The following C3orf70 variants were observed in gnomAD, a reference collection of about 807,000 sequenced individuals.
C3orf70 encodes the protein UPF0524 protein C3orf70.
Under a neutral mutation model 20.7 loss-of-function variants are expected in C3orf70, and 15 were observed. The observed-to-expected ratio is 0.72, with a 90% CI of 0.48 to 1.11. C3orf70 has a LOEUF of 1.11. Among genes scored for constraint, C3orf70 ranks in the 50% most tolerant of loss-of-function variants. C3orf70 has a pLI of 0.00. For synonymous variants in C3orf70, 161 were observed against 125.7 expected (o/e 1.28, Z -1.88); for missense variants, 332 against 317.6 (o/e 1.05, Z -0.34).
At chr3:185,122,449 C>T (rs959663742) in intron 1 of C3orf70, among the ~76,000 whole-genome samples, 8 of 152,094 alleles carry the variant, frequency 5.3e-5, no homozygotes, top group African/African-American at 1.9e-4. Context: ...TCCCTAAAGT[C>T]GAAAGCCCCG....
At chr3:185,093,918 A>C (rs953362777) in intron 1 of C3orf70, among the ~76,000 whole-genome samples, 4 of 151,980 alleles carry the variant, frequency 2.6e-5, no homozygotes, top group African/African-American at 7.3e-5. Context: ...GGACCACCCC[A>C]CCCCAACAGA....
chr3:185,099,257 T>C (rs1715775268), intron 1 of C3orf70, among the ~76,000 whole-genome samples: 1 of 151,958 alleles, frequency 6.6e-6, no homozygotes, highest in African/African-American at 2.4e-5. Context: ...AAGAGGATCA[T>C]CCCCAACACA....
At chr3:185,136,399 C>A (rs1716622074) in intron 1 of C3orf70, among the ~76,000 whole-genome samples, 1 of 151,742 alleles carries the variant, frequency 6.6e-6, no homozygotes, top group African/African-American at 2.4e-5. Context: ...ACCAGCCTGG[C>A]CAAAATGGAG....
intron 1 of C3orf70, among the ~76,000 whole-genome samples, chr3:185,097,500 C>T (rs772914452): frequency 2.0e-5 from 3 of 152,158 alleles, no homozygotes; most frequent in Admixed American, 6.5e-5. Context: ...AAGTGCTTTT[C>T]CTGAAAGAAC....
At chr3:185,123,749 C>A (rs527767560) in intron 1 of C3orf70, among the ~76,000 whole-genome samples, 11 of 152,016 alleles carry the variant, frequency 7.2e-5, no homozygotes, top group Non-Finnish European at 1.5e-4. Context: ...TATATTATTG[C>A]CTATTTTATT....
intron 1 of C3orf70, among the ~76,000 whole-genome samples, chr3:185,091,912 C>CATATAT (rs869291177): frequency 6.1e-4 from 22 of 35,860 alleles, no homozygotes; most frequent in South Asian, 4.5e-3. Flanking sequence ...CACACACATA[C>CATATAT]ATATATATAT....
chr3:185,087,794 TG>T (rs762743711), intron 1 of C3orf70, among the ~76,000 whole-genome samples: 8 of 152,162 alleles, frequency 5.3e-5, no homozygotes, highest in Non-Finnish European at 1.0e-4. Context: ...CACTTAAAAA[TG>T]GTTAAGATGG....
At chr3:185,084,520 C>T (rs1390456862) in intron 1 of C3orf70, among the ~76,000 whole-genome samples, 1 of 151,826 alleles carries the variant, frequency 6.6e-6, no homozygotes, top group Non-Finnish European at 1.5e-5. Flanking sequence ...GCACCCCTCC[C>T]CGACACCAAT....
intron 1 of C3orf70, among the ~76,000 whole-genome samples, chr3:185,149,410 A>G (rs1223458519): frequency 1.3e-5 from 2 of 151,830 alleles, no homozygotes; most frequent in Admixed American, 6.6e-5. Context: ...AAAAAAAAAA[A>G]AACAGTAAAT....
chr3:185,119,170 A>G (rs1006341407), intron 1 of C3orf70, among the ~76,000 whole-genome samples: 2 of 152,162 alleles, frequency 1.3e-5, no homozygotes, highest in African/African-American at 4.8e-5. Context: ...ATGACTACAC[A>G]TTTGCCCACA....
chr3:185,148,922 T>TA (rs1453426829), intron 1 of C3orf70, among the ~76,000 whole-genome samples: 1 of 152,250 alleles, frequency 6.6e-6, no homozygotes, highest in Non-Finnish European at 1.5e-5. Flanking sequence ...TTCTATTTTA[T>TA]AAGTCTATAT....
At chr3:185,142,052 G>T (rs1716763167) in intron 1 of C3orf70, among the ~76,000 whole-genome samples, 1 of 152,108 alleles carries the variant, frequency 6.6e-6, no homozygotes, top group Non-Finnish European at 1.5e-5. Flanking sequence ...TAAATGTTGA[G>T]ATATATGAAA....
chr3:185,083,170 G>GC lies in C3orf70; in HGVS notation c.589dup (p.Ala197GlyfsTer8). 1 of 1,614,184 alleles carries GC rather than the reference G, an allele frequency of 6.2e-7. No homozygotes were observed. The highest frequency in any genetic ancestry group is 8.5e-7 in the Non-Finnish European group (1 of 1,180,034). ...CTCGTCACACGATTCCACATAGTGA[G>GC]CCCCAATCGCATTGATCCCAGAGTC... On this transcript the variant is annotated frameshift_variant, in exon 2 of 2. Coordinates refer to ENST00000335012, the MANE Select transcript of C3orf70 (RefSeq NM_001025266.3). LOFTEE classifies it high-confidence loss of function.
chr3:185,116,349 G>A (rs1341867527), intron 1 of C3orf70, among the ~76,000 whole-genome samples: 1 of 148,672 alleles, frequency 6.7e-6, no homozygotes, highest in African/African-American at 2.5e-5. Context: ...ATGAATGAGT[G>A]AACGAAAAAA....
intron 1 of C3orf70, among the ~76,000 whole-genome samples, chr3:185,117,727 A>T (rs1716209931): frequency 6.6e-6 from 1 of 152,230 alleles, no homozygotes; most frequent in Admixed American, 6.5e-5. Flanking sequence ...CTAGAAAGGT[A>T]TACAAGGCTT....
At chr3:185,119,416 G>A (rs545949863) in intron 1 of C3orf70, among the ~76,000 whole-genome samples, 1 of 152,204 alleles carries the variant, frequency 6.6e-6, no homozygotes, top group South Asian at 2.1e-4. Flanking sequence ...ATTTTGGGAG[G>A]CTGATGTGGG....
chr3:185,148,712 G>T (rs1312476150), intron 1 of C3orf70, among the ~76,000 whole-genome samples: 1 of 152,128 alleles, frequency 6.6e-6, no homozygotes, highest in Admixed American at 6.6e-5. Context: ...TACACATTCA[G>T]ATTCATGGTT....
intron 1 of C3orf70, among the ~76,000 whole-genome samples, chr3:185,114,319 G>A (rs186277742): frequency 9.7e-4 from 147 of 152,234 alleles, no homozygotes; most frequent in African/African-American, 3.4e-3. Context: ...AAATTAAAAG[G>A]AGTCAAGTAA....
chr3:185,119,376 G>A (rs1577328017), intron 1 of C3orf70, among the ~76,000 whole-genome samples: 1 of 152,240 alleles, frequency 6.6e-6, no homozygotes, highest in African/African-American at 2.4e-5. Context: ...AGAGAAGCCG[G>A]GCGCGGTGGT....
Sources: gnomAD v4.1 joint callset for allele counts (sites outside exome capture counted in the v4.1 genomes callset) on GRCh38, gnomAD v4.1.1 for gene constraint, MANE v1.5 for transcripts, NCBI Gene and HGNC (gene_info 2026-07-23, HGNC 2026-07-21) for gene names.